The following CLPTM1 variants were observed in gnomAD, a reference collection of about 807,000 sequenced individuals.
CLPTM1 encodes CLPTM1 regulator of GABA type A receptor forward trafficking.
In CLPTM1, 21 loss-of-function variants were observed where a neutral mutation model predicts 77.3. That is an observed-to-expected ratio of 0.27 (90% CI 0.19 to 0.39). CLPTM1 has a LOEUF of 0.39. CLPTM1 is among the 10% of genes least tolerant of loss of function. The pLI, the probability that CLPTM1 is intolerant of heterozygous loss-of-function variation, is 1.00. For synonymous variants in CLPTM1, 373 were observed against 381.0 expected (o/e 0.98, Z 0.24); for missense variants, 642 against 921.2 (o/e 0.70, Z 3.92).
intron 2 of CLPTM1, among the ~76,000 whole-genome samples, chr19:44,966,406 G>A (rs1293644101): frequency 8.8e-6 from 1 of 113,246 alleles, no homozygotes; most frequent in Non-Finnish European, 1.8e-5. Context: ...GCGAGACACA[G>A]TCTCAAAAAT....
Position 44,992,812 on chromosome 19 carries a change from C to G in CLPTM1, c.1925C>G (p.Pro642Arg), listed in dbSNP as rs140584228. 6.2e-7 allele frequency: 1 copy of G among 1,613,598 alleles called. No homozygotes were observed. Among genetic ancestry groups the G allele is most frequent in the Non-Finnish European group, 8.5e-7 (1 of 1,179,888 alleles). Reference protein sequence around the residue: ...ATREEASTSLPTKPTQGASSA... With the variant: ...ATREEASTSLRTKPTQGASSA... ...AGGGAGGAGGCCTCCACGTCCCTGC[C>G]CACCAAGCCCACCCAGGGGGCCAGC... Residue 642 changes from proline (P) to arginine (R), a missense_variant, in exon 14 of 14, where the codon CCC becomes CGC. This residue lies in a region of CLPTM1 where 521 missense variants were observed against 800.4 expected (regional missense o/e 0.65). Coordinates refer to ENST00000337392, the MANE Select transcript of CLPTM1 (RefSeq NM_001294.4). The surrounding 1 kb of genome is among the most constrained non-coding windows in gnomAD (Gnocchi z 7.7).
chr19:44,977,292 T>TCCCTCAC, intron 4 of CLPTM1, 51 bp from the exon 5 acceptor site: 1 of 1,362,432 alleles, frequency 7.3e-7, no homozygotes, highest in Non-Finnish European at 1.0e-6. Context: ...CTTTAACGTT[T>TCCCTCAC]CCCTCACCCC....
chr19:44,955,018 AAAAGGAC>A, upstream of CLPTM1: 1 of 1,535,710 alleles, frequency 6.5e-7, no homozygotes, highest in Non-Finnish European at 8.7e-7. Context: ...ACATGGAACG[AAAAGGAC>A]GCGAAGAATC....
chr19:44,954,995 T>TAAAGCTCAAGA, upstream of CLPTM1: 1 of 1,535,420 alleles, frequency 6.5e-7, no homozygotes, highest in Non-Finnish European at 8.7e-7. Context: ...CAGTGGCCGG[T>TAAAGCTCAAGA]AAAGCTCAAG....
intron 4 of CLPTM1, among the ~76,000 whole-genome samples, chr19:44,975,533 A>T (rs1199472847): frequency 2.0e-5 from 3 of 151,938 alleles, no homozygotes; most frequent in African/African-American, 7.3e-5. Flanking sequence ...CTAGAAGCAG[A>T]ATGTGGACAC....
chr19:44,980,761 C>T (rs1349305017), intron 5 of CLPTM1, among the ~76,000 whole-genome samples: 1 of 151,630 alleles, frequency 6.6e-6, no homozygotes, highest in Non-Finnish European at 1.5e-5. Context: ...GAGGCCAGCC[C>T]TGGCAACATA....
chr19:44,955,037 G>C (rs1156561259), upstream of CLPTM1: 1 of 1,535,702 alleles, frequency 6.5e-7, no homozygotes, highest in Non-Finnish European at 8.7e-7. Flanking sequence ...CGAAGAATCG[G>C]CAGGGAGAAG....
intron 1 of CLPTM1, among the ~76,000 whole-genome samples, chr19:44,960,283 T>A (rs204911): frequency 0.029 from 4,354 of 152,322 alleles, 116 homozygotes; most frequent in East Asian, 0.079. Flanking sequence ...ACTCAGTTGC[T>A]GTCACTTCCC....
intron 9 of CLPTM1, among the ~76,000 whole-genome samples, chr19:44,988,538 C>T (rs1486627697): frequency 2.0e-5 from 3 of 152,226 alleles, no homozygotes; most frequent in African/African-American, 7.2e-5. Context: ...GCTGAGTGGA[C>T]GGGGCCTGCC....
intron 2 of CLPTM1, among the ~76,000 whole-genome samples, chr19:44,971,564 A>G (rs974536934): frequency 6.6e-6 from 1 of 151,884 alleles, no homozygotes; most frequent in South Asian, 2.1e-4. Context: ...TTAATTAATT[A>G]ATTGATTAAT....
At chr19:44,985,131 C>T (rs1350396178) in intron 5 of CLPTM1, 87 bp from the exon 6 acceptor site, 6 of 866,440 alleles carry the variant, frequency 6.9e-6, no homozygotes, top group African/African-American at 1.7e-5. Context: ...GACCGTGAGC[C>T]GTTGCTGGTG....
intron 9 of CLPTM1, among the ~76,000 whole-genome samples, chr19:44,989,246 G>A (rs1055930162): frequency 2.0e-5 from 3 of 152,208 alleles, no homozygotes; most frequent in Non-Finnish European, 2.9e-5. Flanking sequence ...AGCTGGTGCC[G>A]ACCCCAGCCA....
At chr19:44,959,780 C>G (rs1970516756) in intron 1 of CLPTM1, among the ~76,000 whole-genome samples, 1 of 152,190 alleles carries the variant, frequency 6.6e-6, no homozygotes, top group African/African-American at 2.4e-5. Context: ...TTACTTTCCC[C>G]CCTAGCAGCA....
intron 7 of CLPTM1, chr19:44,986,950 G>A (rs1568388947): frequency 1.7e-6 from 1 of 587,830 alleles, no homozygotes; most frequent in Non-Finnish European, 3.0e-6. Context: ...GCCGTGGGCT[G>A]GAGCTGAGCC....
chr19:44,975,267 C>T (rs1970788047), intron 4 of CLPTM1, among the ~76,000 whole-genome samples: 1 of 152,250 alleles, frequency 6.6e-6, no homozygotes, highest in African/African-American at 2.4e-5. Flanking sequence ...TCTGGGGCCT[C>T]ATTGGGACTC....
chr19:44,984,228 G>C (rs1019257531), intron 5 of CLPTM1: 1 of 152,258 alleles, frequency 6.6e-6, no homozygotes, highest in Non-Finnish European at 1.5e-5. Flanking sequence ...TATTCAACTG[G>C]TCATCACCGA....
chr19:44,956,004 C>T (rs933952264), intron 1 of CLPTM1, among the ~76,000 whole-genome samples: 11 of 152,166 alleles, frequency 7.2e-5, no homozygotes, highest in Non-Finnish European at 1.5e-4. Context: ...GTAGAAGTTA[C>T]AAGACACTGC....
chr19:44,992,713 C>T lies in CLPTM1; in HGVS notation c.1826C>T (p.Ala609Val). 2 of 1,613,448 alleles carry T rather than the reference C, an allele frequency of 1.2e-6. No homozygotes were observed. Among genetic ancestry groups the T allele is most frequent in the Non-Finnish European group, 1.7e-6 (2 of 1,179,858 alleles). Residue 609 changes from alanine to valine, a missense_variant, in exon 14 of 14, where the codon GCC becomes GTC. Transcript: ENST00000337392. The surrounding 1 kb of genome is among the most constrained non-coding windows in gnomAD (Gnocchi z 7.7). Reference sequence around the variant, plus strand: ...AGTGGAGAAGACCCCACAGCTGCCGCCCCCGTGGCCGAGGTTCCCACAGCA... The same window carrying T: ...AGTGGAGAAGACCCCACAGCTGCCGTCCCCGTGGCCGAGGTTCCCACAGCA... ...GMSGEDPTAA[A>V]PVAEVPTAAG... is the part of the protein sequence containing the mutation.
intron 5 of CLPTM1, among the ~76,000 whole-genome samples, chr19:44,981,282 C>T (rs1187309355): frequency 2.0e-5 from 3 of 152,138 alleles, no homozygotes; most frequent in Non-Finnish European, 2.9e-5. Flanking sequence ...GCTGGGATTA[C>T]AGTCATGTGT....
Sources: gnomAD v4.1 joint callset for allele counts (sites outside exome capture counted in the v4.1 genomes callset) on GRCh38, gnomAD v4.1.1 for gene constraint, gnomAD v4.1.1 regional missense constraint, Gnocchi (gnomAD v3.1) non-coding constraint, MANE v1.5 for transcripts, NCBI Gene and HGNC (gene_info 2026-07-23, HGNC 2026-07-21) for gene names.